The following ARF5 variants were observed in gnomAD, a reference collection of about 807,000 sequenced individuals.
ARF5 encodes ARF GTPase 5.
A neutral mutation model predicts 24.8 loss-of-function variants in ARF5; 10 were observed. The observed-to-expected ratio is 0.40, with a 90% confidence interval of 0.25 to 0.68. The LOEUF (loss-of-function observed/expected upper bound fraction) is 0.68. Among genes scored for constraint, ARF5 ranks in the 30% least tolerant of loss-of-function variants. The pLI, the probability that ARF5 is intolerant of heterozygous loss-of-function variation, is 0.36. For synonymous variants in ARF5, 102 were observed against 95.1 expected (o/e 1.07, Z -0.42); for missense variants, 135 against 239.2 (o/e 0.56, Z 2.87).
chr7:127,588,954 C>G (rs1360882223), intron 1 of ARF5, 129 bp from the exon 2 acceptor site: 5 of 1,082,814 alleles, frequency 4.6e-6, no homozygotes, highest in East Asian at 2.4e-5. Flanking sequence ...AGGTAGATAA[C>G]GACGCGCACC....
At chr7:127,588,965 T>G (rs1794245085) in intron 1 of ARF5, 118 bp from the exon 2 acceptor site, 4 of 1,222,820 alleles carry the variant, frequency 3.3e-6, no homozygotes, top group African/African-American at 3.0e-5. Context: ...GACGCGCACC[T>G]GGAGGCGCTC....
rs369276987 is a variant in ARF5 at position 127,591,067 on chromosome 7, A to G, written c.435A>G (p.Leu145=). The G allele has an allele frequency of 1.2e-6, 2 of 1,613,936 alleles. No homozygotes were observed. The highest frequency in any genetic ancestry group is 1.3e-5 in the African/African-American group (1 of 74,950). ...PVSELTDKLG[L]QHLRSRTWYV... is the part of the protein sequence containing the mutation. The stretch of plus-strand genomic sequence containing the variant: ...GCGAGCTGACTGACAAGCTGGGGCT[A>G]CAGCACTTACGCAGCCGCACGGTAG... Residue 145 remains leucine, a synonymous_variant, in exon 5 of 6, where the codon CTA becomes CTG. Transcript: ENST00000000233.
intron 4 of ARF5, 116 bp downstream of exon 4, chr7:127,590,253 T>G: frequency 1.2e-6 from 1 of 836,472 alleles, no homozygotes; most frequent in Non-Finnish European, 2.0e-6. Context: ...ATATAAGTTT[T>G]TCTTTGTGGA....
chr7:127,588,746 CA>C (rs1794241147), intron 1 of ARF5, 181 bp downstream of exon 1: 2 of 639,524 alleles, frequency 3.1e-6, no homozygotes, highest in Non-Finnish European at 4.9e-6. Context: ...CGGGGCCTGA[CA>C]CCCGGAGCTG....
At position 127,589,854 on chromosome 7, in the gene ARF5, C is replaced by T. The variant is rs1448610654; in HGVS notation, c.259-212C>T. On this transcript the variant is annotated intron_variant, in intron 3 of 5. Transcript: ENST00000000233. ...AACATGTCTTTATTTCCTTGCACATCTTTGGATAAACTACTTCCTCTTTGC... is the reference window on the plus strand; with the variant it reads ...AACATGTCTTTATTTCCTTGCACATTTTTGGATAAACTACTTCCTCTTTGC... The T allele has an allele frequency of 9.8e-6, 6 of 611,266 alleles. No homozygotes were observed. The East Asian group carries it at 1.6e-4, about 17-fold the overall frequency. 37.9% of individuals were successfully genotyped at this position (611,266 alleles called of 1,614,324 possible).
At position 127,588,492 on chromosome 7, in the gene ARF5, C is replaced by A; in HGVS notation, c.-7C>A. On this transcript the variant is annotated 5_prime_UTR_variant, in exon 1 of 6. Transcript: ENST00000000233. ...GTCGGTGCCCGCGCCCCTCCCCGGGCCCCGCCATGGGCCTCACCGTGTCCG... is the reference window on the plus strand; with the variant it reads ...GTCGGTGCCCGCGCCCCTCCCCGGGACCCGCCATGGGCCTCACCGTGTCCG... 1.4e-6 allele frequency: 2 copies of A among 1,441,044 alleles called. No individual in the cohort carries two copies. Among genetic ancestry groups the A allele is most frequent in the East Asian group, 2.9e-5 (1 of 34,492 alleles). The allele number at this position is 1,441,044 out of a possible 1,614,324, so 89.3% of individuals were successfully genotyped here. A position where few individuals can be genotyped will look rare whatever the true frequency, so the allele number is the denominator to read the frequency against.
At chr7:127,591,172 T>C (rs368493966) in intron 5 of ARF5, 41 bp from the exon 6 acceptor site, 6 of 1,606,186 alleles carry the variant, frequency 3.7e-6, no homozygotes, top group East Asian at 2.2e-5. Context: ...GCATTCCTTT[T>C]GTTCCTGGTT....
At chr7:127,590,193 T>G (rs965365418) in intron 4 of ARF5, 56 bp downstream of exon 4, 59 of 1,450,662 alleles carry the variant, frequency 4.1e-5, no homozygotes, top group Non-Finnish European at 5.1e-5. Flanking sequence ...GAGTGATCTC[T>G]GTAGTGGTAT....
At chr7:127,589,924 A>G in intron 3 of ARF5, 142 bp from the exon 4 acceptor site, 1 of 763,224 alleles carries the variant, frequency 1.3e-6, no homozygotes, top group Non-Finnish European at 2.2e-6. Flanking sequence ...GAGCTTCTAT[A>G]GAGTTCTGTA....
chr7:127,591,002 T>G lies in ARF5; in HGVS notation c.370T>G (p.Phe124Val). ...DELRDAVLLV[F>V]ANKQDMPNAM... ...GCTGCGGGATGCAGTGCTGCTGGTATTTGCCAACAAGCAGGACATGCCCAA... is the reference window on the plus strand; with the variant it reads ...GCTGCGGGATGCAGTGCTGCTGGTAGTTGCCAACAAGCAGGACATGCCCAA... The change falls in exon 5 of 6, where the codon TTT (phenylalanine) becomes GTT (valine). Residue 124 changes from phenylalanine to valine, a missense_variant. Phe to Val is a conservative substitution (Grantham distance 50, BLOSUM62 -1). Transcript: ENST00000000233. The G allele has an allele frequency of 1.9e-6, 3 of 1,613,954 alleles. No homozygotes were observed. The highest frequency in any genetic ancestry group is 2.5e-6 in the Non-Finnish European group (3 of 1,179,968).
At position 127,588,464 on chromosome 7, in the gene ARF5, C is replaced by G; in HGVS notation, c.-35C>G. On this transcript the variant is annotated 5_prime_UTR_variant, in exon 1 of 6. Coordinates refer to ENST00000000233, the MANE Select transcript of ARF5 (RefSeq NM_001662.4). ...GGCCGGCCAGTTCCAGCCCGCACCC[C>G]GCGTCGGTGCCCGCGCCCCTCCCCG... 1.4e-6 allele frequency: 2 copies of G among 1,400,416 alleles called. No homozygotes were observed. The highest frequency in any genetic ancestry group is 3.0e-5 in the South Asian group (2 of 66,760). 86.7% of individuals were successfully genotyped at this position (1,400,416 alleles called of 1,614,324 possible). A position where few individuals can be genotyped will look rare whatever the true frequency, so the allele number is the denominator to read the frequency against.
rs140755629 is a variant in ARF5 at position 127,589,448 on chromosome 7, A to G, written c.149-37A>G. ...TAGTTTTAGTGAGTTCCTTTCTTTC[A>G]GGAGTTTTCTCATCTTTTTTTTCCA... On this transcript the variant is annotated intron_variant, in intron 2 of 5. Coordinates refer to ENST00000000233, the MANE Select transcript of ARF5 (RefSeq NM_001662.4). 5.2e-4 allele frequency: 789 copies of G among 1,522,026 alleles called. 11 individuals carry two copies. In the East Asian group the frequency reaches 0.012, roughly 24 times the overall value. The allele number at this position is 1,522,026 out of a possible 1,614,324, so 94.3% of individuals were successfully genotyped here. A position where few individuals can be genotyped will look rare whatever the true frequency, so the allele number is the denominator to read the frequency against.
In ARF5 at chr7:127,590,954, C is replaced by G. The variant is rs555345938; in HGVS notation, c.331-9C>G. 20 of 1,610,968 alleles carry G rather than the reference C, an allele frequency of 1.2e-5. No individual in the cohort carries two copies. Among genetic ancestry groups the G allele is most frequent in the Non-Finnish European group, 1.7e-5 (20 of 1,178,304 alleles). ...AGCCTGGGTCCCACCTTCTCTTCTC[C>G]TCTCTCAGCTGCAGGAGGACGAGCT... On this transcript the variant is annotated splice_polypyrimidine_tract_variant and intron_variant, in intron 4 of 5. Transcript: ENST00000000233.
chr7:127,591,064 G>A lies in ARF5; in HGVS notation c.432G>A (p.Gly144=), dbSNP rs1587536940. 6.2e-7 allele frequency: 1 copy of A among 1,613,934 alleles called. No individual in the cohort carries two copies. Among genetic ancestry groups the A allele is most frequent in the Non-Finnish European group, 8.5e-7 (1 of 1,180,000 alleles). The change falls in exon 5 of 6, where the codon GGG becomes GGA. Residue 144 remains glycine, a synonymous_variant. Coordinates refer to ENST00000000233, the MANE Select transcript of ARF5 (RefSeq NM_001662.4). Reference sequence around the variant, plus strand: ...TGAGCGAGCTGACTGACAAGCTGGGGCTACAGCACTTACGCAGCCGCACGG... The same window carrying A: ...TGAGCGAGCTGACTGACAAGCTGGGACTACAGCACTTACGCAGCCGCACGG... ...MPVSELTDKL[G]LQHLRSRTWY...
chr7:127,589,046 G>C, intron 1 of ARF5, 37 bp from the exon 2 acceptor site: 1 of 1,610,630 alleles, frequency 6.2e-7, no homozygotes, highest in Non-Finnish European at 8.5e-7. Context: ...GGGCTCCCTC[G>C]CTCCCATCTC....
intron 1 of ARF5, 146 bp downstream of exon 1, chr7:127,588,711 G>A: frequency 1.2e-6 from 1 of 857,052 alleles, no homozygotes. Flanking sequence ...GCTCTCGGGC[G>A]GGTCCCGGTC....
chr7:127,588,710 C>A (rs1794240659), intron 1 of ARF5, 145 bp downstream of exon 1: 2 of 859,868 alleles, frequency 2.3e-6, no homozygotes, highest in Non-Finnish European at 3.3e-6. Context: ...TGCTCTCGGG[C>A]GGGTCCCGGT....
At chr7:127,590,894 A>C in intron 4 of ARF5, 69 bp from the exon 5 acceptor site, 1 of 1,530,798 alleles carries the variant, frequency 6.5e-7, no homozygotes, top group Non-Finnish European at 8.8e-7. Flanking sequence ...GCTAGGAGGT[A>C]GAAAGGGAAT....
Position 127,588,523 on chromosome 7 carries a change from T to C in ARF5, c.25T>C (p.Phe9Leu). The change falls in exon 1 of 6, where the codon TTT becomes CTT. Residue 9 changes from phenylalanine (F) to leucine (L), a missense_variant. Transcript: ENST00000000233. MGLTVSAL[F>L]SRIFGKKQMR... ...CATGGGCCTCACCGTGTCCGCGCTCTTTTCGCGGATCTTCGGGAAGAAGCA... is the reference window on the plus strand; with the variant it reads ...CATGGGCCTCACCGTGTCCGCGCTCCTTTCGCGGATCTTCGGGAAGAAGCA... 6.8e-7 allele frequency: 1 copy of C among 1,467,684 alleles called. No homozygotes were observed. The highest frequency in any genetic ancestry group is 2.8e-5 in the East Asian group (1 of 35,536). The allele number at this position is 1,467,684 out of a possible 1,614,324, so 90.9% of individuals were successfully genotyped here. A position where few individuals can be genotyped will look rare whatever the true frequency, so the allele number is the denominator to read the frequency against.
Sources: gnomAD v4.1 joint callset for allele counts on GRCh38, gnomAD v4.1.1 for gene constraint, MANE v1.5 for transcripts, NCBI Gene and HGNC (gene_info 2026-07-23, HGNC 2026-07-21) for gene names.